The following WNT5B variants were observed in gnomAD, a reference collection of about 807,000 sequenced individuals.
WNT5B encodes the protein protein Wnt-5b.
A neutral mutation model predicts 36.5 loss-of-function variants in WNT5B; 18 were observed. The ratio of observed to expected loss-of-function variants is 0.49; its 90% CI spans 0.34 to 0.73. The LOEUF (loss-of-function observed/expected upper bound fraction) is 0.73, where lower values mean the gene tolerates loss of function less well. Ranked by LOEUF, WNT5B falls within the 30% of genes least tolerant of loss-of-function variation. The pLI is 0.01. For synonymous variants in WNT5B, 213 were observed against 212.3 expected, an observed-to-expected ratio of 1.00 and a Z score of -0.03; for missense variants, 424 against 508.4, an observed-to-expected ratio of 0.83 and a Z score of 1.60.
rs2094554583 is a variant in WNT5B, at chr12:1,633,315, G to A, written c.328+410G>A. 6.6e-6 allele frequency among the ~76,000 whole-genome samples: 1 copy of A among 152,200 alleles called. No individual in the cohort carries two copies. Among genetic ancestry groups the A allele is most frequent in the African/African-American group, 2.4e-5 (1 of 41,450 alleles). On this transcript the variant is annotated intron_variant, in intron 3 of 4. Transcript: ENST00000397196. This position sits in a 1 kb window ranked among gnomAD's most constrained non-coding sequence, Gnocchi z 4.8. ...AGAACCAGAAATTGCAGCCCTGAAT[G>A]TCTGTTGGATTTTTGCCTCTTCCAC...
chr12:1,634,080 T>C (rs1178563954), intron 3 of WNT5B, among the ~76,000 whole-genome samples: 2 of 152,098 alleles, frequency 1.3e-5, no homozygotes, highest in African/African-American at 4.8e-5. Context: ...AGAGAGGGAA[T>C]TAAAGATGGG....
rs2094570520 is a variant in WNT5B at position 1,639,721 on chromosome 12, C to T, written c.366C>T (p.Ala122=). 1.9e-6 allele frequency: 3 copies of T among 1,592,022 alleles called. No individual in the cohort carries two copies. Among genetic ancestry groups the T allele is most frequent in the Non-Finnish European group, 1.7e-6 (2 of 1,171,132 alleles). The change falls in exon 4 of 5, where the codon GCC becomes GCT. Residue 122 remains alanine, a synonymous_variant. Coordinates refer to ENST00000397196, the MANE Select transcript of WNT5B (RefSeq NM_032642.3). ...RETAFTHAVS[A]AGVVNAISRA... is the part of the protein sequence containing the mutation. ...CCGCCTTCACCCACGCGGTGAGCGC[C>T]GCGGGCGTGGTCAACGCCATCAGCC...
chr12:1,621,600 AGTGCAGTG>A (rs1247391125), intron 1 of WNT5B, among the ~76,000 whole-genome samples: 1 of 152,164 alleles, frequency 6.6e-6, no homozygotes, highest in Non-Finnish European at 1.5e-5. Context: ...TCCAGGCTGG[AGTGCAGTG>A]GTACAATCAT....
In WNT5B at chr12:1,645,780, T is replaced by G. The variant is rs766781198; in HGVS notation, c.622-14T>G. 1 of 1,547,284 alleles carries G rather than the reference T, an allele frequency of 6.5e-7. No homozygotes were observed. Among genetic ancestry groups the G allele is most frequent in the Non-Finnish European group, 8.7e-7 (1 of 1,144,790 alleles). ...GGGATCCTCCTTCTTACTGCCTTCT[T>G]TCTCTTCCCCTAGGCTGTGTATAAG... On this transcript the variant is annotated splice_polypyrimidine_tract_variant and intron_variant, in intron 4 of 4. Transcript: ENST00000397196.
At chr12:1,639,417 C>G (rs1308197972) in intron 3 of WNT5B, among the ~76,000 whole-genome samples, 27 of 152,122 alleles carry the variant, frequency 1.8e-4, no homozygotes, top group Admixed American at 3.9e-4. Flanking sequence ...GGATTACGGG[C>G]TGAGCCACCG....
At chr12:1,622,107 C>CG (rs2094534498) in intron 1 of WNT5B, among the ~76,000 whole-genome samples, 2 of 99,054 alleles carry the variant, frequency 2.0e-5, no homozygotes, top group Admixed American at 2.2e-4. Context: ...TCTGACACTT[C>CG]TTTTTTTTTT....
chr12:1,620,898 T>C (rs1016218030), intron 1 of WNT5B, among the ~76,000 whole-genome samples: 3 of 149,456 alleles, frequency 2.0e-5, no homozygotes, highest in African/African-American at 7.4e-5. Context: ...GAGACAGGTT[T>C]CACCATGTTG....
intron 1 of WNT5B, among the ~76,000 whole-genome samples, chr12:1,622,142 G>T (rs12812390): frequency 2.5e-4 from 32 of 130,350 alleles, no homozygotes; most frequent in East Asian, 1.3e-3. Flanking sequence ...ACGGAGTCTC[G>T]CTCTGTCGCC....
At chr12:1,627,202 G>A (rs780904217), upstream of WNT5B, among the ~76,000 whole-genome samples, 13 of 152,304 alleles carry the variant, frequency 8.5e-5, no homozygotes, top group Non-Finnish European at 1.3e-4. The surrounding 1 kb of genome is among the most constrained non-coding windows in gnomAD (Gnocchi z 5.0). Context: ...TGTGGCCTCA[G>A]TGACAAAGGA....
In WNT5B at chr12:1,644,994, G is replaced by A. The variant is rs1195282675; in HGVS notation, c.622-800G>A. ...GGGGGCTGCTCGGGAGGAAGACGGT[G>A]GTCTTGCTCACAAATGGATGGTGTA... On this transcript the variant is annotated intron_variant, in intron 4 of 4. Transcript: ENST00000397196. The surrounding 1 kb of genome is among the most constrained non-coding windows in gnomAD (Gnocchi z 5.1). 6.6e-6 allele frequency: 1 copy of A among 152,240 alleles called. No homozygotes were observed. The highest frequency in any genetic ancestry group is 1.9e-4 in the East Asian group (1 of 5,198). The allele number at this position is 152,240 out of a possible 1,614,324, so 9.4% of individuals were successfully genotyped here.
chr12:1,621,279 G>A (rs2154439252), intron 1 of WNT5B, among the ~76,000 whole-genome samples: 1 of 152,232 alleles, frequency 6.6e-6, no homozygotes, highest in East Asian at 1.9e-4. Context: ...CCTGGATACA[G>A]GAAGAGAATT....
intron 3 of WNT5B, among the ~76,000 whole-genome samples, chr12:1,639,414 G>C (rs370342819): frequency 6.6e-6 from 1 of 151,562 alleles, no homozygotes; most frequent in East Asian, 1.9e-4. Context: ...CTGGGATTAC[G>C]GGCTGAGCCA....
At chr12:1,639,454 C>A (rs1291319271) in intron 3 of WNT5B, among the ~76,000 whole-genome samples, 1 of 152,014 alleles carries the variant, frequency 6.6e-6, no homozygotes, top group Admixed American at 6.6e-5. Flanking sequence ...TGTTTTCTTC[C>A]GGGTGGTTTC....
intron 1 of WNT5B, 69 bp from the exon 2 acceptor site, chr12:1,631,229 C>T: frequency 7.0e-7 from 1 of 1,428,008 alleles, no homozygotes; most frequent in Non-Finnish European, 9.4e-7. Flanking sequence ...TTCTCCGCCT[C>T]ACCCCGGCTC....
intron 2 of WNT5B, 37 bp downstream of exon 2, chr12:1,631,471 G>A (rs777485378): frequency 1.5e-5 from 25 of 1,613,280 alleles, no homozygotes; most frequent in African/African-American, 4.0e-5. Context: ...CTGCACAGCC[G>A]GAGGCCTCCT....
chr12:1,620,452 A>G lies in WNT5B; in HGVS notation c.-58+3309A>G, dbSNP rs28384796. 3.2e-4 allele frequency among the ~76,000 whole-genome samples: 49 copies of G among 152,206 alleles called. No homozygotes were observed. In the East Asian group the frequency reaches 8.9e-3, roughly 28 times the overall value. On this transcript the variant is annotated intron_variant, in intron 1 of 4. Coordinates refer to the WNT5B transcript ENST00000310594. ...GCATAATAATTCTTTGTTGTAATATATCACAGTTAATTGTTTTGTCCATTC... is the reference window on the plus strand; with the variant it reads ...GCATAATAATTCTTTGTTGTAATATGTCACAGTTAATTGTTTTGTCCATTC...
chr12:1,621,296 CAG>C (rs1184986624), intron 1 of WNT5B, among the ~76,000 whole-genome samples: 1 of 152,036 alleles, frequency 6.6e-6, no homozygotes, highest in African/African-American at 2.4e-5. Context: ...AATTGGAAGA[CAG>C]AGAACACGCA....
At chr12:1,634,918 G>A (rs144121945) in intron 3 of WNT5B, among the ~76,000 whole-genome samples, 1 of 152,334 alleles carries the variant, frequency 6.6e-6, no homozygotes, top group South Asian at 2.1e-4. Context: ...GGGAAAAGAC[G>A]CATGTCCCTC....
chr12:1,618,647 T>G lies in WNT5B; in HGVS notation c.-58+1504T>G, dbSNP rs1176332314. On this transcript the variant is annotated intron_variant, in intron 1 of 4. Transcript: ENST00000310594. This position sits in a 1 kb window ranked among gnomAD's most constrained non-coding sequence, Gnocchi z 4.1. ...TTATTAGTATTCAGGAGAAGGGAAC[T>G]TCCTCTTTCTTATCATCTGCACAGA... 6.6e-6 allele frequency among the ~76,000 whole-genome samples: 1 copy of G among 152,232 alleles called. No homozygotes were observed. The highest frequency in any genetic ancestry group is 1.5e-5 in the Non-Finnish European group (1 of 68,048).
Sources: allele counts gnomAD v4.1 joint callset (sites outside exome capture counted in the v4.1 genomes callset), GRCh38; gene constraint gnomAD v4.1.1; non-coding constraint Gnocchi (gnomAD v3.1); transcripts MANE v1.5; gene names NCBI Gene and HGNC (gene_info 2026-07-23, HGNC 2026-07-21).